The following RAB3C variants were observed in gnomAD, a reference collection of about 807,000 sequenced individuals.
The protein encoded by RAB3C is RAB3C, member RAS oncogene family, also known as ras-related protein Rab-3C.
Under a neutral mutation model 26.4 loss-of-function variants are expected in RAB3C, and 17 were observed. That is an observed-to-expected ratio of 0.64 (90% CI 0.44 to 0.97). RAB3C has a LOEUF of 0.97. Ranked by LOEUF, RAB3C falls within the 50% of genes least tolerant of loss-of-function variation. The pLI is 0.00. For missense variants in RAB3C, 242 were observed against 281.9 expected, an observed-to-expected ratio of 0.86 and a Z score of 1.01; for synonymous variants, 91 against 95.9, an observed-to-expected ratio of 0.95 and a Z score of 0.30.
intron 3 of RAB3C, among the ~76,000 whole-genome samples, chr5:58,801,326 T>C (rs988925815): frequency 6.6e-6 from 1 of 152,170 alleles, no homozygotes; most frequent in African/African-American, 2.4e-5. Context: ...AATGACAACA[T>C]GCAGTATTTC....
intron 2 of RAB3C, among the ~76,000 whole-genome samples, chr5:58,721,432 A>G (rs1262391375): frequency 6.6e-6 from 1 of 151,762 alleles, no homozygotes; most frequent in Admixed American, 6.6e-5. Flanking sequence ...AGCTAGGGAG[A>G]GGAACAACAC....
chr5:58,795,958 C>T (rs1299876685), intron 3 of RAB3C, among the ~76,000 whole-genome samples: 1 of 152,188 alleles, frequency 6.6e-6, no homozygotes, highest in Non-Finnish European at 1.5e-5. Context: ...AAAGGTTTGA[C>T]TGTATTCTCT....
At chr5:58,630,549 A>G (rs1161413102) in intron 2 of RAB3C, among the ~76,000 whole-genome samples, 1 of 152,212 alleles carries the variant, frequency 6.6e-6, no homozygotes, top group Non-Finnish European at 1.5e-5. Context: ...AAAAAATCTC[A>G]TTATATCTGG....
In RAB3C at chr5:58,745,290, T is replaced by C. The variant is rs931275911; in HGVS notation, c.371+19170T>C. ...GCGGGTGCCTGTGGTCCCAGCTACTTGGGAGGCTGAGGCAGGAGAATGGTG... is the reference window on the plus strand; with the variant it reads ...GCGGGTGCCTGTGGTCCCAGCTACTCGGGAGGCTGAGGCAGGAGAATGGTG... On this transcript the variant is annotated intron_variant, in intron 3 of 4. Transcript: ENST00000282878. Among the ~76,000 whole-genome samples, 9 of 142,610 alleles carry C rather than the reference T, an allele frequency of 6.3e-5. 1 individual carries two copies. The highest frequency in any genetic ancestry group is 4.4e-4 in the South Asian group (2 of 4,570). The allele number at this position is 142,610 out of a possible 152,430, so 93.6% of individuals were successfully genotyped here.
chr5:58,782,128 G>A lies in RAB3C; in HGVS notation c.372-42910G>A, dbSNP rs114863858. Among the ~76,000 whole-genome samples, 270 of 152,180 alleles carry A rather than the reference G, an allele frequency of 1.8e-3. 2 individuals are homozygous for A. Among genetic ancestry groups the A allele is most frequent in the African/African-American group, 6.4e-3 (264 of 41,530 alleles). ...TATCCCCATGACTAAAAGATGTAAG[G>A]TCAATAAAGCTTTGGAGAGAGAAAG... On this transcript the variant is annotated intron_variant, in intron 3 of 4. Coordinates refer to ENST00000282878, the MANE Select transcript of RAB3C (RefSeq NM_138453.4).
intron 3 of RAB3C, among the ~76,000 whole-genome samples, chr5:58,766,602 A>T (rs1741911983): frequency 6.6e-6 from 1 of 152,140 alleles, no homozygotes; most frequent in South Asian, 2.1e-4. Flanking sequence ...AGGAGGTGAA[A>T]TCACCAGAGG....
intron 3 of RAB3C, among the ~76,000 whole-genome samples, chr5:58,787,672 T>A (rs577836297): frequency 3.9e-5 from 6 of 152,294 alleles, no homozygotes; most frequent in African/African-American, 1.4e-4. Context: ...CACCTTTAGA[T>A]ACCATGAATA....
chr5:58,779,280 T>C (rs1212461958), intron 3 of RAB3C, among the ~76,000 whole-genome samples: 1 of 151,432 alleles, frequency 6.6e-6, no homozygotes. Context: ...AAAAGGAACT[T>C]GTAGACTTTT....
At chr5:58,717,322 G>T (rs962262561) in intron 2 of RAB3C, among the ~76,000 whole-genome samples, 11 of 152,210 alleles carry the variant, frequency 7.2e-5, no homozygotes, top group African/African-American at 2.6e-4. Context: ...AGCTCTTGCT[G>T]TTTCAAAATC....
chr5:58,716,375 A>C (rs1749174331), intron 2 of RAB3C, among the ~76,000 whole-genome samples: 1 of 152,144 alleles, frequency 6.6e-6, no homozygotes, highest in Admixed American at 6.6e-5. Flanking sequence ...AGTAAAAAAA[A>C]CTATAACCTA....
At chr5:58,746,465 C>T (rs1019525642) in intron 3 of RAB3C, among the ~76,000 whole-genome samples, 1 of 152,170 alleles carries the variant, frequency 6.6e-6, no homozygotes, top group Non-Finnish European at 1.5e-5. Flanking sequence ...CACATATATG[C>T]ACACACACGT....
chr5:58,601,850 A>G (rs961447994), intron 1 of RAB3C, among the ~76,000 whole-genome samples: 1 of 151,410 alleles, frequency 6.6e-6, no homozygotes, highest in Non-Finnish European at 1.5e-5. Flanking sequence ...TTTCAATTTC[A>G]TTTAGTTCTG....
At chr5:58,734,043 C>G (rs1006178761) in intron 3 of RAB3C, among the ~76,000 whole-genome samples, 25 of 152,092 alleles carry the variant, frequency 1.6e-4, no homozygotes, top group Non-Finnish European at 2.9e-5. Flanking sequence ...AGCAGGAACT[C>G]TGGTAAGCAG....
chr5:58,588,712 A>G (rs1746063272), intron 1 of RAB3C, among the ~76,000 whole-genome samples: 2 of 152,122 alleles, frequency 1.3e-5, no homozygotes, highest in Admixed American at 1.3e-4. Flanking sequence ...GATGAAATTT[A>G]GGTTAATTAA....
chr5:58,617,369 C>T (rs1333731717), intron 1 of RAB3C: 9 of 630,452 alleles, frequency 1.4e-5, no homozygotes, highest in Non-Finnish European at 2.4e-5. Flanking sequence ...TAGACATCCC[C>T]TTTGGTGTCT....
intron 3 of RAB3C, among the ~76,000 whole-genome samples, chr5:58,792,207 A>G (rs1051492600): frequency 1.3e-5 from 2 of 152,216 alleles, no homozygotes; most frequent in African/African-American, 4.8e-5. Flanking sequence ...ATTTAGCATT[A>G]TGGGTAAAAT....
chr5:58,789,806 T>C (rs1250398156), intron 3 of RAB3C, among the ~76,000 whole-genome samples: 1 of 152,228 alleles, frequency 6.6e-6, no homozygotes, highest in Non-Finnish European at 1.5e-5. Flanking sequence ...TAAATAATTC[T>C]ATCCTGAAGT....
chr5:58,677,976 T>TTGTGTGTGTGTGTG (rs70973149), intron 2 of RAB3C, among the ~76,000 whole-genome samples: 11,396 of 147,726 alleles, frequency 0.077, 503 homozygotes, highest in Non-Finnish European at 0.11. Context: ...CTAGATTATT[T>TTGTGTGTGTGTGTG]TGTGTGTGTG....
At position 58,825,165 on chromosome 5, in the gene RAB3C, A is replaced by G. The variant is rs1189929096; in HGVS notation, c.496+3A>G. 1 of 1,609,264 alleles carries G rather than the reference A, an allele frequency of 6.2e-7. No individual in the cohort carries two copies. Among genetic ancestry groups the G allele is most frequent in the Non-Finnish European group, 8.5e-7 (1 of 1,177,472 alleles). ...TCAACATTTAGGAGAACAGCTTGGT[A>G]AGAAACAAATTAATAAGTTAAAAAG... On this transcript the variant is annotated splice_donor_region_variant and intron_variant, in intron 4 of 4. Transcript: ENST00000282878.
Sources: gnomAD v4.1 joint callset for allele counts (sites outside exome capture counted in the v4.1 genomes callset) on GRCh38, gnomAD v4.1.1 for gene constraint, MANE v1.5 for transcripts, NCBI Gene and HGNC (gene_info 2026-07-23, HGNC 2026-07-21) for gene names.